FOXP1: variants seen among roughly 807,000 people sequenced by gnomAD.
FOXP1 encodes the protein forkhead box protein P1.
A neutral mutation model predicts 98.2 loss-of-function variants in FOXP1; 15 were observed. That is an observed-to-expected ratio of 0.15 (90% confidence interval 0.10 to 0.24). The LOEUF is 0.24. Among genes scored for constraint, FOXP1 ranks in the 10% least tolerant of loss-of-function variants. The probability of loss-of-function intolerance (pLI) is 1.00; values close to 1 mark genes in which losing one functional copy is unlikely to be tolerated. For synonymous variants in FOXP1, 371 were observed against 314.5 expected (o/e 1.18, Z -1.90); for missense variants, 633 against 848.5 (o/e 0.75, Z 3.15).
chr3:71,535,120 G>C (rs1294700221), intron 2 of FOXP1, among the ~76,000 whole-genome samples: 1 of 152,146 alleles, frequency 6.6e-6, no homozygotes, highest in South Asian at 2.1e-4. Context: ...GGAGCAAAAG[G>C]AGCTGAAAAT....
At chr3:71,186,621 G>C (rs1432727604) in intron 6 of FOXP1, among the ~76,000 whole-genome samples, 2 of 152,192 alleles carry the variant, frequency 1.3e-5, no homozygotes, top group Admixed American at 6.5e-5. Flanking sequence ...TGAGACAGGA[G>C]AATCTCTTGA....
intron 18 of FOXP1, chr3:70,972,208 T>A (rs1463954541): frequency 6.7e-7 from 1 of 1,499,844 alleles, no homozygotes; most frequent in Non-Finnish European, 8.8e-7. Flanking sequence ...GCAAAGGAGA[T>A]GGAGTGGCAA....
intron 4 of FOXP1, among the ~76,000 whole-genome samples, chr3:71,305,361 C>T (rs1315278042): frequency 6.6e-6 from 1 of 152,184 alleles, no homozygotes; most frequent in Non-Finnish European, 1.5e-5. Context: ...TTCCTTCCCT[C>T]CCGACCGCCT....
At chr3:71,443,298 T>C (rs2086116869) in intron 3 of FOXP1, among the ~76,000 whole-genome samples, 1 of 152,220 alleles carries the variant, frequency 6.6e-6, no homozygotes, top group Non-Finnish European at 1.5e-5. Flanking sequence ...TCAGAGTAAT[T>C]AGCTTATCCA....
intron 7 of FOXP1, among the ~76,000 whole-genome samples, chr3:71,081,136 C>T (rs74337874): frequency 0.01 from 1,573 of 152,216 alleles, 16 homozygotes; most frequent in Non-Finnish European, 0.017. Flanking sequence ...ACCTTGGATA[C>T]GACACTAAAC....
At chr3:71,013,188 T>C (rs1254085887) in intron 12 of FOXP1, among the ~76,000 whole-genome samples, 1 of 152,080 alleles carries the variant, frequency 6.6e-6, no homozygotes, top group African/African-American at 2.4e-5. Context: ...ACTTTAACAG[T>C]AGAAATTGTT....
At position 71,129,090 on chromosome 3, in the gene FOXP1, G is replaced by A. The variant is rs182491968; in HGVS notation, c.181-16453C>T. 9.8e-4 allele frequency among the ~76,000 whole-genome samples: 149 copies of A among 152,146 alleles called. 1 individual carries two copies. Among genetic ancestry groups the A allele is most frequent in the African/African-American group, 2.9e-3 (119 of 41,512 alleles). ...GCCATCCAGAAAAAACAAAACGAGC[G>A]AGCTGGGAAATTTGATGGTCATCAA... On this transcript the variant is annotated intron_variant, in intron 6 of 20. Coordinates refer to ENST00000649528, the MANE Select transcript of FOXP1 (RefSeq NM_001349338.3).
intron 5 of FOXP1, among the ~76,000 whole-genome samples, chr3:71,280,482 G>A (rs569034981): frequency 6.6e-5 from 10 of 151,650 alleles, no homozygotes; most frequent in South Asian, 2.1e-4. Flanking sequence ...CACCATGCTC[G>A]GCTAATTTTT....
intron 5 of FOXP1, among the ~76,000 whole-genome samples, chr3:71,266,408 C>T (rs143280981): frequency 4.0e-5 from 6 of 151,842 alleles, no homozygotes; most frequent in Non-Finnish European, 7.4e-5. Flanking sequence ...CGCCACCATG[C>T]ATGACTAATT....
At chr3:71,431,600 T>C (rs141172942) in intron 3 of FOXP1, among the ~76,000 whole-genome samples, 55 of 152,352 alleles carry the variant, frequency 3.6e-4, no homozygotes, top group Middle Eastern at 3.4e-3. Flanking sequence ...CTGGTCCATC[T>C]GGTCCCACAC....
chr3:71,270,053 G>A (rs1407831935), intron 5 of FOXP1, among the ~76,000 whole-genome samples: 4 of 152,154 alleles, frequency 2.6e-5, no homozygotes, highest in African/African-American at 4.8e-5. Flanking sequence ...TTTAACCACC[G>A]CTCTGAAGCC....
intron 3 of FOXP1, among the ~76,000 whole-genome samples, chr3:71,427,553 CACA>C (rs1344986339): frequency 1.3e-5 from 2 of 152,234 alleles, no homozygotes; most frequent in African/African-American, 4.8e-5. Flanking sequence ...TCTGAACAAA[CACA>C]CGTGATATGA....
intron 6 of FOXP1, among the ~76,000 whole-genome samples, chr3:71,118,609 G>A (rs538865556): frequency 2.0e-5 from 3 of 152,266 alleles, no homozygotes; most frequent in African/African-American, 7.2e-5. Context: ...CAAAAAATAT[G>A]ACTAACTGGA....
In FOXP1 at chr3:70,978,007, G is replaced by C. The variant is rs774901426; in HGVS notation, c.1169C>G (p.Thr390Ser). The change falls in exon 15 of 21, where the codon ACT becomes AGT. Residue 390 changes from threonine to serine, a missense_variant. Transcript: ENST00000649528. ...PQPLNLVSSV[T>S]LSKSASEASP... Reference sequence around the variant, plus strand: ...AGCCTCCGATGCGGACTTGGAGAGAGTGACACTTGATACCAGATTCAACTG... The same window carrying C: ...AGCCTCCGATGCGGACTTGGAGAGACTGACACTTGATACCAGATTCAACTG... 4.3e-6 allele frequency: 7 copies of C among 1,613,960 alleles called. No homozygotes were observed. Among genetic ancestry groups the C allele is most frequent in the Non-Finnish European group, 5.9e-6 (7 of 1,179,974 alleles).
chr3:71,216,204 G>C (rs2064902909), intron 5 of FOXP1, among the ~76,000 whole-genome samples: 1 of 152,190 alleles, frequency 6.6e-6, no homozygotes, highest in Non-Finnish European at 1.5e-5. Context: ...CACTGCACCT[G>C]GGTGTGTTCA....
intron 2 of FOXP1, among the ~76,000 whole-genome samples, chr3:71,517,982 C>G (rs975002948): frequency 6.6e-5 from 10 of 152,142 alleles, no homozygotes; most frequent in Admixed American, 2.0e-4. Context: ...GTTAAGTCAA[C>G]TCAGTAACAA....
At chr3:71,265,249 C>A (rs1245338578) in intron 5 of FOXP1, among the ~76,000 whole-genome samples, 2 of 152,178 alleles carry the variant, frequency 1.3e-5, no homozygotes, top group African/African-American at 2.4e-5. Context: ...CCCGTGTTAG[C>A]GTTGTTCTAG....
chr3:71,476,765 A>G (rs955440483), intron 3 of FOXP1, among the ~76,000 whole-genome samples: 53 of 151,888 alleles, frequency 3.5e-4, no homozygotes, highest in Non-Finnish European at 1.0e-4. Flanking sequence ...TGGCCTCCCA[A>G]AGTGCTGGGA....
chr3:71,154,567 G>A lies in FOXP1; in HGVS notation c.181-41930C>T, dbSNP rs189386009. The stretch of plus-strand genomic sequence containing the variant: ...CATTCACTGTTGGTTCTTTGGTTCC[G>A]TCTTCTCCTCACTGGTGGACAATAT... On this transcript the variant is annotated intron_variant, in intron 6 of 20. Coordinates refer to ENST00000649528, the MANE Select transcript of FOXP1 (RefSeq NM_001349338.3). Among the ~76,000 whole-genome samples, 287 of 152,284 alleles carry A rather than the reference G, an allele frequency of 1.9e-3. 3 individuals carry two copies. The highest frequency in any genetic ancestry group is 4.6e-4 in the Non-Finnish European group (31 of 68,020).
Sources: gnomAD v4.1 joint callset for allele counts (sites outside exome capture counted in the v4.1 genomes callset) on GRCh38, gnomAD v4.1.1 for gene constraint, MANE v1.5 for transcripts, NCBI Gene and HGNC (gene_info 2026-07-23, HGNC 2026-07-21) for gene names.